Variants in PARVA observed in about 807,000 individuals in gnomAD.
PARVA encodes the protein alpha-parvin.
A neutral mutation model predicts 52.6 loss-of-function variants in PARVA; 25 were observed. The observed-to-expected ratio is 0.48, with a 90% CI of 0.35 to 0.66. The LOEUF is 0.66. PARVA is among the 30% of genes least tolerant of loss of function. The pLI is 0.01. For synonymous variants in PARVA, 185 were observed against 179.1 expected, an observed-to-expected ratio of 1.03 and a Z score of -0.26; for missense variants, 373 against 450.9, an observed-to-expected ratio of 0.83 and a Z score of 1.56.
intron 1 of PARVA, among the ~76,000 whole-genome samples, chr11:12,405,808 A>G (rs1939896298): frequency 2.0e-5 from 3 of 152,124 alleles, no homozygotes; most frequent in Admixed American, 2.0e-4. Context: ...AAATACAAAA[A>G]TTAGCTGGGC....
chr11:12,527,768 G>A (rs2135094106), intron 12 of PARVA, 81 bp from the exon 13 acceptor site: 1 of 1,045,574 alleles, frequency 9.6e-7, no homozygotes, highest in Non-Finnish European at 1.5e-6. Context: ...TGGGTGGTGG[G>A]TGGAAGGGAG....
At chr11:12,444,838 GT>G (rs1356629684) in intron 1 of PARVA, among the ~76,000 whole-genome samples, 2 of 152,212 alleles carry the variant, frequency 1.3e-5, no homozygotes, top group African/African-American at 4.8e-5. Flanking sequence ...CTAGGACAGG[GT>G]AGAACCAAGA....
At chr11:12,399,481 C>T (rs1939795559) in intron 1 of PARVA, among the ~76,000 whole-genome samples, 1 of 152,152 alleles carries the variant, frequency 6.6e-6, no homozygotes, top group South Asian at 2.1e-4. Context: ...ATGGTACACC[C>T]TCCTGAATGT....
intron 1 of PARVA, among the ~76,000 whole-genome samples, chr11:12,413,329 TAA>T (rs1158958115): frequency 1.3e-5 from 2 of 152,204 alleles, no homozygotes; most frequent in Non-Finnish European, 2.9e-5. Flanking sequence ...TTGCCAATCT[TAA>T]AACATGACTG....
chr11:12,508,507 C>T (rs765914342), intron 6 of PARVA, 77 bp from the exon 7 acceptor site: 1 of 972,814 alleles, frequency 1.0e-6, no homozygotes, highest in Non-Finnish European at 1.7e-6. Context: ...ATCAGGAATG[C>T]TCATCAGTGT....
chr11:12,524,060 G>A lies in PARVA; in HGVS notation c.1043-3789G>A, dbSNP rs572697864. On this transcript the variant is annotated intron_variant, in intron 12 of 12. Transcript: ENST00000334956. ...TCTCCCCTATTCACCCGGCCCATCTGTTGGCGTTAGTGGTGAAGGTGGTGA... is the reference window on the plus strand; with the variant it reads ...TCTCCCCTATTCACCCGGCCCATCTATTGGCGTTAGTGGTGAAGGTGGTGA... Among the ~76,000 whole-genome samples the A allele has an allele frequency of 2.0e-5, 3 of 152,346 alleles. No individual in the cohort carries two copies. The South Asian group carries it at 6.2e-4, about 32-fold the overall frequency.
At chr11:12,482,156 CAAAAAAAAAAAAAAAAGAAAA>C (rs1211193833) in intron 4 of PARVA, among the ~76,000 whole-genome samples, 1 of 60,654 alleles carries the variant, frequency 1.6e-5, no homozygotes, top group Non-Finnish European at 3.8e-5. Context: ...AACCCTGTCT[CAAAAAAAAAAAAAAAAGAAAA>C]AGAAAAAAAA....
chr11:12,468,712 A>AT (rs1361219884), intron 1 of PARVA, among the ~76,000 whole-genome samples: 4 of 152,100 alleles, frequency 2.6e-5, no homozygotes, highest in African/African-American at 7.2e-5. Context: ...ATCTTTCTAT[A>AT]TTTTTTCTCT....
At chr11:12,491,759 A>T (rs1941236689) in intron 4 of PARVA, among the ~76,000 whole-genome samples, 1 of 152,230 alleles carries the variant, frequency 6.6e-6, no homozygotes, top group Non-Finnish European at 1.5e-5. Flanking sequence ...TCACAGTGCT[A>T]GTTTTTAACA....
chr11:12,505,017 A>ATCTTT (rs1443287731), intron 6 of PARVA, among the ~76,000 whole-genome samples: 1 of 152,022 alleles, frequency 6.6e-6, no homozygotes, highest in African/African-American at 2.4e-5. Context: ...ATCTCAAGTC[A>ATCTTT]TCTTTTCCAG....
intron 3 of PARVA, among the ~76,000 whole-genome samples, chr11:12,476,229 A>G (rs1040105937): frequency 2.0e-5 from 3 of 152,150 alleles, no homozygotes. Context: ...GTGCTGACCA[A>G]AGGCACAGCT....
chr11:12,444,234 G>A (rs1038857035), intron 1 of PARVA, among the ~76,000 whole-genome samples: 4 of 152,164 alleles, frequency 2.6e-5, no homozygotes, highest in African/African-American at 9.7e-5. Flanking sequence ...AGGCAGTGCT[G>A]TTGGTAAGAG....
chr11:12,438,306 C>G (rs1266505554), intron 1 of PARVA, among the ~76,000 whole-genome samples: 1 of 151,048 alleles, frequency 6.6e-6, no homozygotes, highest in Non-Finnish European at 1.5e-5. Flanking sequence ...GTTTTTGGCT[C>G]ATGGTTGTGG....
At chr11:12,414,934 C>T (rs1045617712) in intron 1 of PARVA, among the ~76,000 whole-genome samples, 2 of 152,102 alleles carry the variant, frequency 1.3e-5, no homozygotes, top group Non-Finnish European at 2.9e-5. Context: ...AGACATCTTT[C>T]CTCCCTAAGG....
chr11:12,514,203 G>GATTCTCT, intron 10 of PARVA, 138 bp downstream of exon 10: 1 of 636,702 alleles, frequency 1.6e-6, no homozygotes, highest in Non-Finnish European at 2.8e-6. Flanking sequence ...TACTCTGAGG[G>GATTCTCT]GTGGACTGAG....
intron 1 of PARVA, among the ~76,000 whole-genome samples, chr11:12,460,555 G>A (rs902399945): frequency 3.9e-5 from 6 of 152,092 alleles, no homozygotes; most frequent in Non-Finnish European, 7.3e-5. Context: ...GTAAACCACC[G>A]ACTCTTCAGA....
intron 1 of PARVA, among the ~76,000 whole-genome samples, chr11:12,473,321 G>T (rs533028430): frequency 2.0e-5 from 3 of 152,088 alleles, no homozygotes; most frequent in African/African-American, 7.2e-5. Flanking sequence ...GCCTTACAGC[G>T]TACATATAGC....
intron 1 of PARVA, among the ~76,000 whole-genome samples, chr11:12,391,577 T>C (rs1483938890): frequency 6.6e-6 from 1 of 152,186 alleles, no homozygotes; most frequent in Non-Finnish European, 1.5e-5. Context: ...GGGTTATCAG[T>C]TTTCACGTGA....
intron 7 of PARVA, among the ~76,000 whole-genome samples, chr11:12,509,056 T>C (rs1181549620): frequency 6.6e-6 from 1 of 151,676 alleles, no homozygotes; most frequent in African/African-American, 2.4e-5. Flanking sequence ...ACCTTAGATT[T>C]GTCTTTTGGT....
Sources: allele counts gnomAD v4.1 joint callset (sites outside exome capture counted in the v4.1 genomes callset), GRCh38; gene constraint gnomAD v4.1.1; transcripts MANE v1.5; gene names NCBI Gene and HGNC (gene_info 2026-07-23, HGNC 2026-07-21).